Variants in DAPK1 observed in about 807,000 individuals in gnomAD.
The protein encoded by DAPK1 is death associated protein kinase 1, also known as death-associated protein kinase 1.
Under a neutral mutation model 144.9 loss-of-function variants are expected in DAPK1, and 56 were observed. The ratio of observed to expected loss-of-function variants is 0.39; its 90% CI spans 0.31 to 0.48. The LOEUF (loss-of-function observed/expected upper bound fraction) is 0.48. Among genes scored for constraint, DAPK1 ranks in the 20% least tolerant of loss-of-function variants. DAPK1 has a pLI of 0.95. For synonymous variants in DAPK1, 690 were observed against 749.0 expected (o/e 0.92, Z 1.29); for missense variants, 1,454 against 1,875.4 (o/e 0.78, Z 4.15).
chr9:87,510,195 A>C (rs1466058477), intron 2 of DAPK1, among the ~76,000 whole-genome samples: 2 of 152,180 alleles, frequency 1.3e-5, no homozygotes, highest in Admixed American at 1.3e-4. Flanking sequence ...AACGCTTGAC[A>C]CGTATGGAGC....
chr9:87,559,020 G>A (rs1242551568), intron 2 of DAPK1, among the ~76,000 whole-genome samples: 1 of 152,112 alleles, frequency 6.6e-6, no homozygotes, highest in African/African-American at 2.4e-5. Context: ...AGAAATCACA[G>A]GTGCATGTGT....
At chr9:87,683,590 C>A (rs907472148) in intron 20 of DAPK1, among the ~76,000 whole-genome samples, 10 of 152,116 alleles carry the variant, frequency 6.6e-5, no homozygotes, top group African/African-American at 2.4e-4. Context: ...TGCCCAGGAG[C>A]CCCCATTGTG....
chr9:87,663,598 T>C (rs940382650), intron 18 of DAPK1, among the ~76,000 whole-genome samples: 2 of 152,030 alleles, frequency 1.3e-5, no homozygotes, highest in African/African-American at 4.8e-5. Flanking sequence ...GCGTCCTGCT[T>C]CTCCCTAGGC....
At chr9:87,598,118 C>T (rs1427197527) in intron 2 of DAPK1, among the ~76,000 whole-genome samples, 1 of 152,206 alleles carries the variant, frequency 6.6e-6, no homozygotes, top group Admixed American at 6.5e-5. Flanking sequence ...GTTCCTCACC[C>T]CTTACCTACA....
chr9:87,568,573 A>G (rs1200742604), intron 2 of DAPK1, among the ~76,000 whole-genome samples: 30 of 152,288 alleles, frequency 2.0e-4, no homozygotes, highest in South Asian at 6.2e-4. Context: ...TGTTGGCTAA[A>G]GAGAGTGGGA....
At chr9:87,562,813 A>G (rs1258851419) in intron 2 of DAPK1, among the ~76,000 whole-genome samples, 2 of 152,242 alleles carry the variant, frequency 1.3e-5, no homozygotes, top group African/African-American at 4.8e-5. Flanking sequence ...TGGAAGACAG[A>G]TTGAAGCAAA....
In DAPK1 at chr9:87,508,412, G is replaced by A. The variant is rs980839753; in HGVS notation, c.62+9273G>A. ...GGCTGGAGTGCAGTGGCGCGATTTC[G>A]GCTCACTGCAACCTCCACCTCCCGG... is the stretch of plus-strand genomic sequence containing the variant. On this transcript the variant is annotated intron_variant, in intron 2 of 25. Transcript: ENST00000408954. Among the ~76,000 whole-genome samples the A allele has an allele frequency of 3.4e-5, 5 of 147,986 alleles. No individual in the cohort carries two copies. In the East Asian group the frequency reaches 8.2e-4, roughly 24 times the overall value.
intron 16 of DAPK1, 184 bp downstream of exon 16, chr9:87,650,302 T>G: frequency 1.7e-6 from 1 of 592,546 alleles, no homozygotes; most frequent in Non-Finnish European, 2.9e-6. Context: ...TAGTTAATAT[T>G]AATTTATGGC....
chr9:87,617,284 G>A (rs1206006193), intron 3 of DAPK1, among the ~76,000 whole-genome samples: 3 of 152,188 alleles, frequency 2.0e-5, no homozygotes, highest in African/African-American at 7.2e-5. Context: ...TTGGAATGGG[G>A]AGGTAGAGAC....
rs557810223 is a variant in DAPK1 at position 87,568,426 on chromosome 9, C to T, written c.63-36528C>T. On this transcript the variant is annotated intron_variant, in intron 2 of 25. Coordinates refer to ENST00000408954, the MANE Select transcript of DAPK1 (RefSeq NM_004938.4). Reference sequence around the variant, plus strand: ...AAAGCAACACTCCTTGGTGAATAGGCTTCTTTTGATGGTACTTGCATTTGA... The same window carrying T: ...AAAGCAACACTCCTTGGTGAATAGGTTTCTTTTGATGGTACTTGCATTTGA... 2.6e-5 allele frequency among the ~76,000 whole-genome samples: 4 copies of T among 152,358 alleles called. No individual in the cohort carries two copies. The East Asian group carries it at 7.7e-4, about 29-fold the overall frequency.
Position 87,681,559 on chromosome 9 carries a change from T to A in DAPK1, c.2157T>A (p.Arg719=), listed in dbSNP as rs764976188. Residue 719 remains arginine, a synonymous_variant, in exon 20 of 26, where the codon CGT becomes CGA. Transcript: ENST00000408954. ...CGLLRSFFRR[R]RPRLSSTNSS... is the part of the protein sequence containing the mutation. ...TGCTGAGGAGCTTTTTCAGAAGGCG[T>A]CGGCCCAGACTGTCTTCCACCAACT... is the stretch of plus-strand genomic sequence containing the variant. 1.9e-6 allele frequency: 3 copies of A among 1,613,182 alleles called. No individual in the cohort carries two copies. The highest frequency in any genetic ancestry group is 2.5e-6 in the Non-Finnish European group (3 of 1,179,198).
chr9:87,586,257 T>C (rs1827939635), intron 2 of DAPK1, among the ~76,000 whole-genome samples: 1 of 152,130 alleles, frequency 6.6e-6, no homozygotes, highest in Non-Finnish European at 1.5e-5. Context: ...CCCACTGCAC[T>C]CCAGCCTGGG....
intron 6 of DAPK1, 32 bp from the exon 7 acceptor site, chr9:87,639,757 A>G (rs1005141315): frequency 1.2e-6 from 2 of 1,612,626 alleles, no homozygotes; most frequent in African/African-American, 2.7e-5. Context: ...TTCTTCTGAC[A>G]TGTTTTTTTG....
intron 18 of DAPK1, among the ~76,000 whole-genome samples, chr9:87,665,561 A>G (rs1207919245): frequency 6.6e-6 from 1 of 152,182 alleles, no homozygotes; most frequent in Non-Finnish European, 1.5e-5. Flanking sequence ...TTGAAACCCC[A>G]TCTGTTCCTT....
At chr9:87,604,509 G>C (rs894321424) in intron 2 of DAPK1, among the ~76,000 whole-genome samples, 5 of 152,058 alleles carry the variant, frequency 3.3e-5, no homozygotes, top group African/African-American at 1.2e-4. Context: ...GGTTAATATT[G>C]GTGCTAGAAA....
chr9:87,701,908 C>T (rs1204463926), intron 24 of DAPK1: 1 of 469,424 alleles, frequency 2.1e-6, no homozygotes, highest in Admixed American at 2.4e-5. Flanking sequence ...AGGGGGTAGT[C>T]CGGTGAGGCC....
intron 3 of DAPK1, among the ~76,000 whole-genome samples, chr9:87,605,536 CTCTG>C (rs1185355250): frequency 6.8e-6 from 1 of 147,774 alleles, no homozygotes; most frequent in East Asian, 2.0e-4. Context: ...CCTTTCCTCT[CTCTG>C]TTTGTTTTTC....
At chr9:87,649,419 A>G (rs1830370800) in intron 15 of DAPK1, among the ~76,000 whole-genome samples, 6 of 152,230 alleles carry the variant, frequency 3.9e-5, no homozygotes, top group Admixed American at 3.3e-4. Flanking sequence ...CAAAGCAACA[A>G]TACTGTTACC....
Position 87,643,347 on chromosome 9 carries a change from C to CTTTTT in DAPK1, c.919-14_919-10dup, listed in dbSNP as rs10650070. On this transcript the variant is annotated intron_variant, in intron 10 of 25. Transcript: ENST00000408954. ...CCTGCCTTTTTCCTCCCCGCCCTCC[C>CTTTTT]TTTTTTTTTTTTTTTTTTTAAAAAA... 541 of 1,001,908 alleles carry CTTTTT rather than the reference C, an allele frequency of 5.4e-4. 1 individual carries two copies. The highest frequency in any genetic ancestry group is 3.6e-3 in the South Asian group (209 of 58,366). 62.1% of individuals were successfully genotyped at this position (1,001,908 alleles called of 1,614,324 possible). A position where few individuals can be genotyped will look rare whatever the true frequency, so the allele number is the denominator to read the frequency against.
Sources: gnomAD v4.1 joint callset for allele counts (sites outside exome capture counted in the v4.1 genomes callset) on GRCh38, gnomAD v4.1.1 for gene constraint, MANE v1.5 for transcripts, NCBI Gene and HGNC (gene_info 2026-07-23, HGNC 2026-07-21) for gene names.